Variants in SCN8A observed in about 807,000 individuals in gnomAD.
SCN8A encodes the protein sodium voltage-gated channel alpha subunit 8.
In SCN8A, 30 loss-of-function variants were observed where a neutral mutation model predicts 184.1. The ratio of observed to expected loss-of-function variants is 0.16; its 90% CI spans 0.12 to 0.22. The LOEUF is 0.22. Ranked by LOEUF, SCN8A falls within the 10% of genes least tolerant of loss-of-function variation. The pLI is 1.00. For missense variants in SCN8A, 1,057 were observed against 2,498.9 expected (o/e 0.42, Z 12.30); for synonymous variants, 852 against 907.0 (o/e 0.94, Z 1.09).
intron 1 of SCN8A, among the ~76,000 whole-genome samples, chr12:51,635,753 T>G (rs1940302267): frequency 6.6e-6 from 1 of 152,200 alleles, no homozygotes; most frequent in Non-Finnish European, 1.5e-5. Flanking sequence ...ATTTAAAAAG[T>G]TTAAGGTGGT....
At chr12:51,649,489 C>A (rs961138172) in intron 1 of SCN8A, among the ~76,000 whole-genome samples, 1 of 152,212 alleles carries the variant, frequency 6.6e-6, no homozygotes, top group Non-Finnish European at 1.5e-5. Context: ...CCGGCATTTC[C>A]TTACATCTTC....
At chr12:51,657,003 C>T (rs7313439) in intron 1 of SCN8A, among the ~76,000 whole-genome samples, 69 of 152,128 alleles carry the variant, frequency 4.5e-4, no homozygotes, top group African/African-American at 1.6e-3. Flanking sequence ...AATTCCACTC[C>T]TAGGTATAGA....
chr12:51,663,944 C>T (rs1297304622), intron 2 of SCN8A, among the ~76,000 whole-genome samples: 7 of 102,074 alleles, frequency 6.9e-5, no homozygotes, highest in Non-Finnish European at 9.1e-5. Flanking sequence ...GAGTCTTGCT[C>T]TGTCGCCCAG....
chr12:51,684,983 T>C (rs968098086), intron 3 of SCN8A, among the ~76,000 whole-genome samples: 22 of 152,194 alleles, frequency 1.4e-4, no homozygotes, highest in African/African-American at 5.1e-4. Flanking sequence ...CTGGTCGATA[T>C]TTAACAGCAT....
intron 12 of SCN8A, among the ~76,000 whole-genome samples, chr12:51,739,904 C>T (rs565890188): frequency 6.6e-5 from 10 of 152,306 alleles, no homozygotes; most frequent in East Asian, 5.8e-4. Flanking sequence ...GAGATTTACC[C>T]GCGTATTTAT....
intron 1 of SCN8A, among the ~76,000 whole-genome samples, chr12:51,636,205 T>C (rs545139341): frequency 6.6e-6 from 1 of 152,244 alleles, no homozygotes; most frequent in African/African-American, 2.4e-5. Flanking sequence ...ACCATGTTAG[T>C]TGGGGTGGTC....
intron 1 of SCN8A, among the ~76,000 whole-genome samples, chr12:51,618,160 G>T (rs2138590784): frequency 6.6e-6 from 1 of 152,210 alleles, no homozygotes; most frequent in South Asian, 2.1e-4. Flanking sequence ...AAGATACGGA[G>T]AGTCAACGAA....
chr12:51,699,549 C>G (rs1210658126), intron 6 of SCN8A, 21 bp from the exon 7 acceptor site: 1 of 1,589,662 alleles, frequency 6.3e-7, no homozygotes, highest in Non-Finnish European at 8.6e-7. Flanking sequence ...GCCTCTGATT[C>G]CGGGGATTCT....
intron 1 of SCN8A, among the ~76,000 whole-genome samples, chr12:51,647,244 G>A (rs1312730610): frequency 6.6e-6 from 1 of 152,192 alleles, no homozygotes; most frequent in East Asian, 1.9e-4. Context: ...TCTCCTGATA[G>A]TTACTTATGG....
chr12:51,618,451 C>T (rs910659545), intron 1 of SCN8A, among the ~76,000 whole-genome samples: 2 of 141,610 alleles, frequency 1.4e-5, no homozygotes, highest in African/African-American at 2.7e-5. Flanking sequence ...CCAAGAGATA[C>T]CAGAGCAACA....
intron 11 of SCN8A, among the ~76,000 whole-genome samples, chr12:51,715,511 G>A (rs1251283219): frequency 2.6e-5 from 4 of 151,912 alleles, no homozygotes; most frequent in Non-Finnish European, 5.9e-5. Context: ...GCTCACGCCT[G>A]TAATCCTGGC....
At chr12:51,599,982 G>A (rs1939430070) in intron 1 of SCN8A, among the ~76,000 whole-genome samples, 1 of 152,096 alleles carries the variant, frequency 6.6e-6, no homozygotes, top group Non-Finnish European at 1.5e-5. Context: ...GAAAATCTGG[G>A]GAAGTATGTT....
intron 11 of SCN8A, chr12:51,713,445 A>C (rs1287235144): frequency 8.9e-6 from 7 of 783,652 alleles, no homozygotes; most frequent in Admixed American, 5.1e-5. Context: ...ATTTCTCAAA[A>C]TGTCCTCTTA....
intron 5 of SCN8A, 94 bp from the exon 6 acceptor site, chr12:51,688,911 T>C: frequency 6.4e-7 from 1 of 1,571,120 alleles, no homozygotes; most frequent in Admixed American, 1.7e-5. Flanking sequence ...CGTATTGTAC[T>C]TTTTGTTTTG....
chr12:51,704,867 C>T (rs548275152), intron 9 of SCN8A, among the ~76,000 whole-genome samples: 47 of 151,762 alleles, frequency 3.1e-4, no homozygotes, highest in Non-Finnish European at 5.9e-4. Flanking sequence ...CCCAGCTACT[C>T]GGGAGGCTGA....
intron 14 of SCN8A, among the ~76,000 whole-genome samples, chr12:51,761,462 TTTATTA>T (rs1412567016): frequency 1.3e-5 from 2 of 149,096 alleles, no homozygotes; most frequent in African/African-American, 5.0e-5. Context: ...TATTTATTTA[TTTATTA>T]TTATTTATTT....
In SCN8A at chr12:51,705,560, A is replaced by G. The variant is rs749572965; in HGVS notation, c.1278A>G (p.Glu426=). 2 of 1,614,032 alleles carry G rather than the reference A, an allele frequency of 1.2e-6. No individual in the cohort carries two copies. Among genetic ancestry groups the G allele is most frequent in the East Asian group, 4.5e-5 (2 of 44,890 alleles). Residue 426 remains glutamate (E), a synonymous_variant, in exon 10 of 27, where the codon GAA becomes GAG. Transcript: ENST00000627620. ...ATCAGGCAACACTGGAGGAGGCAGAACAAAAAGAGGCTGAATTTAAAGCAA... is the reference window on the plus strand; with the variant it reads ...ATCAGGCAACACTGGAGGAGGCAGAGCAAAAAGAGGCTGAATTTAAAGCAA... The part of the protein sequence containing the change: ...EQNQATLEEA[E]QKEAEFKAML...
chr12:51,642,293 A>G (rs972363407), intron 1 of SCN8A, among the ~76,000 whole-genome samples: 1 of 152,214 alleles, frequency 6.6e-6, no homozygotes, highest in African/African-American at 2.4e-5. Flanking sequence ...GTTTGATACA[A>G]GGCAACCTCT....
At chr12:51,713,293 A>G (rs570635739) in intron 11 of SCN8A, 13 of 1,120,182 alleles carry the variant, frequency 1.2e-5, no homozygotes, top group South Asian at 9.8e-5. Flanking sequence ...CTTTGGTTCC[A>G]CTACATGCCC....
Sources: gnomAD v4.1 joint callset for allele counts (sites outside exome capture counted in the v4.1 genomes callset) on GRCh38, gnomAD v4.1.1 for gene constraint, MANE v1.5 for transcripts, NCBI Gene and HGNC (gene_info 2026-07-23, HGNC 2026-07-21) for gene names.